CCDC148: variants seen among roughly 807,000 people sequenced by gnomAD.
The protein encoded by CCDC148 is coiled-coil domain-containing protein 148.
In CCDC148, 89 loss-of-function variants were observed where a neutral mutation model predicts 85.7. That is an observed-to-expected ratio of 1.04 (90% CI 0.87 to 1.24). The LOEUF is 1.24. Among genes scored for constraint, CCDC148 ranks in the 50% most tolerant of loss-of-function variants. The pLI, the probability that CCDC148 is intolerant of heterozygous loss-of-function variation, is 0.00. For synonymous variants in CCDC148, 230 were observed against 213.9 expected, an observed-to-expected ratio of 1.08 and a Z score of -0.66; for missense variants, 692 against 671.7, an observed-to-expected ratio of 1.03 and a Z score of -0.33.
At chr2:158,279,301 G>T (rs1165224993) in intron 9 of CCDC148, among the ~76,000 whole-genome samples, 2 of 152,216 alleles carry the variant, frequency 1.3e-5, no homozygotes, top group East Asian at 3.9e-4. Context: ...CAAGTTGAGA[G>T]AAGAAGGCTT....
chr2:158,282,306 G>A (rs1690361558), intron 9 of CCDC148, among the ~76,000 whole-genome samples: 1 of 152,090 alleles, frequency 6.6e-6, no homozygotes, highest in African/African-American at 2.4e-5. Flanking sequence ...GGAAATAAAG[G>A]GTATTCAATT....
At chr2:158,442,978 G>C (rs1271665771) in intron 1 of CCDC148, among the ~76,000 whole-genome samples, 1 of 152,112 alleles carries the variant, frequency 6.6e-6, no homozygotes, top group Non-Finnish European at 1.5e-5. Flanking sequence ...CTCAGTAAAG[G>C]GAGATGACTA....
chr2:158,200,998 C>T (rs1403559319), intron 11 of CCDC148, among the ~76,000 whole-genome samples: 1 of 152,140 alleles, frequency 6.6e-6, no homozygotes, highest in East Asian at 1.9e-4. Flanking sequence ...CTGGAATCAG[C>T]CATTTGTTTC....
chr2:158,428,791 T>C (rs1024025592), intron 1 of CCDC148, among the ~76,000 whole-genome samples: 13 of 151,934 alleles, frequency 8.6e-5, no homozygotes, highest in Admixed American at 7.2e-4. Flanking sequence ...ACTGAGCATA[T>C]ACCCAAAGGA....
intron 1 of CCDC148, among the ~76,000 whole-genome samples, chr2:158,424,084 T>C (rs1177199216): frequency 6.6e-6 from 1 of 152,148 alleles, no homozygotes; most frequent in African/African-American, 2.4e-5. Flanking sequence ...TTGGAGAGGA[T>C]GTGGAGAAAT....
intron 1 of CCDC148, among the ~76,000 whole-genome samples, chr2:158,373,184 T>C (rs994767670): frequency 1.3e-5 from 2 of 152,004 alleles, no homozygotes; most frequent in African/African-American, 4.8e-5. Context: ...GAAGATGTCA[T>C]GCTTCTGGCG....
intron 1 of CCDC148, among the ~76,000 whole-genome samples, chr2:158,447,964 A>G (rs1216860619): frequency 6.6e-6 from 1 of 152,190 alleles, no homozygotes; most frequent in East Asian, 1.9e-4. Context: ...AACCTTTCCA[A>G]AAGCAAGGTT....
intron 1 of CCDC148, among the ~76,000 whole-genome samples, chr2:158,428,722 G>C (rs1256274891): frequency 6.6e-6 from 1 of 151,866 alleles, no homozygotes; most frequent in East Asian, 1.9e-4. Flanking sequence ...GCGGAAGACA[G>C]TGTGGCGATT....
chr2:158,279,496 C>T (rs946711080), intron 9 of CCDC148, among the ~76,000 whole-genome samples: 1 of 151,840 alleles, frequency 6.6e-6, no homozygotes, highest in South Asian at 2.1e-4. Context: ...CCTCAGGAGC[C>T]GATGTGATCA....
chr2:158,249,908 A>AT (rs35139528), intron 10 of CCDC148, among the ~76,000 whole-genome samples: 6 of 152,074 alleles, frequency 3.9e-5, no homozygotes, highest in Non-Finnish European at 7.4e-5. Context: ...CAAAGAAAAG[A>AT]TTTTTTTTAC....
chr2:158,232,651 G>A (rs529548930), intron 10 of CCDC148, among the ~76,000 whole-genome samples: 1 of 152,122 alleles, frequency 6.6e-6, no homozygotes, highest in South Asian at 2.1e-4. Flanking sequence ...TTGTTGTCAG[G>A]TCATTATCTC....
intron 11 of CCDC148, among the ~76,000 whole-genome samples, chr2:158,201,292 A>T (rs2105282583): frequency 6.6e-6 from 1 of 152,208 alleles, no homozygotes; most frequent in Middle Eastern, 3.4e-3. Flanking sequence ...TCGAAGTCTC[A>T]ATACCAGTGT....
At chr2:158,425,534 T>A (rs1687036417) in intron 1 of CCDC148, among the ~76,000 whole-genome samples, 1 of 152,234 alleles carries the variant, frequency 6.6e-6, no homozygotes, top group Non-Finnish European at 1.5e-5. Flanking sequence ...TTATACACAT[T>A]TTATTTGTAT....
At chr2:158,177,113 G>C (rs949316099) in intron 12 of CCDC148, among the ~76,000 whole-genome samples, 3 of 151,858 alleles carry the variant, frequency 2.0e-5, no homozygotes, top group Non-Finnish European at 2.9e-5. Context: ...ACTGGATCTA[G>C]AGCATATAAT....
chr2:158,330,586 C>A (rs1413878344), intron 7 of CCDC148, among the ~76,000 whole-genome samples: 1 of 152,158 alleles, frequency 6.6e-6, no homozygotes, highest in Non-Finnish European at 1.5e-5. Context: ...AGGAATGGTA[C>A]CAGCTCCTCC....
chr2:158,455,796 C>G (rs1322166457), intron 1 of CCDC148, among the ~76,000 whole-genome samples: 1 of 151,992 alleles, frequency 6.6e-6, no homozygotes, highest in Non-Finnish European at 1.5e-5. Flanking sequence ...AATTTATTGA[C>G]AAAAAACAAT....
chr2:158,282,947 C>T (rs1237146452), intron 9 of CCDC148, among the ~76,000 whole-genome samples: 2 of 152,170 alleles, frequency 1.3e-5, no homozygotes, highest in Non-Finnish European at 2.9e-5. Flanking sequence ...ATCAATGGAA[C>T]AGAACAGAGC....
intron 9 of CCDC148, among the ~76,000 whole-genome samples, chr2:158,283,773 T>G (rs1240754887): frequency 6.6e-6 from 1 of 151,882 alleles, no homozygotes; most frequent in East Asian, 1.9e-4. Flanking sequence ...ATCCCATTAC[T>G]AGGTATATAC....
intron 3 of CCDC148, among the ~76,000 whole-genome samples, chr2:158,341,981 G>T (rs1574654206): frequency 8.0e-6 from 1 of 125,306 alleles, no homozygotes; most frequent in Non-Finnish European, 1.7e-5. Flanking sequence ...ATCATTTAAT[G>T]ACTCCATAGT....
Sources: allele counts gnomAD v4.1 joint callset (sites outside exome capture counted in the v4.1 genomes callset), GRCh38; gene constraint gnomAD v4.1.1; transcripts MANE v1.5; gene names NCBI Gene and HGNC (gene_info 2026-07-23, HGNC 2026-07-21).